The following SHANK2 variants were observed in gnomAD, a reference collection of about 807,000 sequenced individuals.
SHANK2 encodes SH3 and multiple ankyrin repeat domains 2.
SHANK2 carries 43 observed loss-of-function variants against 133.7 expected under a neutral mutation model. The ratio of observed to expected loss-of-function variants is 0.32; its 90% CI spans 0.25 to 0.41. The LOEUF (loss-of-function observed/expected upper bound fraction) is 0.41, where lower values mean the gene tolerates loss of function less well. Among genes scored for constraint, SHANK2 ranks in the 10% least tolerant of loss-of-function variants. SHANK2 has a pLI of 1.00. For missense variants in SHANK2, 1,994 were observed against 2,235.8 expected (o/e 0.89, Z 2.18); for synonymous variants, 1,017 against 952.8 (o/e 1.07, Z -1.24).
intron 3 of SHANK2, among the ~76,000 whole-genome samples, chr11:71,142,549 A>C (rs1952577386): frequency 6.6e-6 from 1 of 152,180 alleles, no homozygotes; most frequent in East Asian, 1.9e-4. Context: ...AAGCAGAAAA[A>C]TGCCAAGCAA....
chr11:70,496,734 C>A (rs1555157182), intron 21 of SHANK2, among the ~76,000 whole-genome samples: 2 of 152,104 alleles, frequency 1.3e-5, no homozygotes, highest in Non-Finnish European at 1.5e-5. Context: ...GTCCCCCAAG[C>A]CTTGTGCCTG....
chr11:70,797,089 G>A (rs181531732), intron 14 of SHANK2, among the ~76,000 whole-genome samples: 78 of 152,220 alleles, frequency 5.1e-4, no homozygotes, highest in African/African-American at 1.8e-3. Flanking sequence ...CCCAGCCCTC[G>A]GGAGCTGATA....
At chr11:70,536,313 C>T (rs774616835) in intron 17 of SHANK2, among the ~76,000 whole-genome samples, 24 of 152,202 alleles carry the variant, frequency 1.6e-4, no homozygotes, top group Non-Finnish European at 2.8e-4. Flanking sequence ...AGTTCAACTC[C>T]GTTGGACCAA....
At chr11:71,102,759 G>T (rs868947273) in intron 6 of SHANK2, among the ~76,000 whole-genome samples, 22 of 152,352 alleles carry the variant, frequency 1.4e-4, no homozygotes, top group Middle Eastern at 6.8e-3. Context: ...TTTCCCCCAG[G>T]AGTTGAGAGC....
chr11:70,481,803 C>T (rs997674624), intron 25 of SHANK2, among the ~76,000 whole-genome samples: 38 of 152,342 alleles, frequency 2.5e-4, no homozygotes, highest in African/African-American at 8.9e-4. Flanking sequence ...GGTGAGAGTT[C>T]TTAAGGCTCC....
At chr11:70,542,200 G>A (rs960075408) in intron 17 of SHANK2, among the ~76,000 whole-genome samples, 12 of 152,334 alleles carry the variant, frequency 7.9e-5, no homozygotes, top group African/African-American at 2.9e-4. Context: ...GACCTTATTT[G>A]GAAACAGCCT....
chr11:71,202,072 G>A (rs1954030551), intron 2 of SHANK2, among the ~76,000 whole-genome samples: 1 of 152,350 alleles, frequency 6.6e-6, no homozygotes, highest in Middle Eastern at 3.4e-3. Context: ...ATGGCTCACG[G>A]GTACACAGTA....
At chr11:71,204,002 T>G (rs1954076676) in intron 2 of SHANK2, among the ~76,000 whole-genome samples, 1 of 152,130 alleles carries the variant, frequency 6.6e-6, no homozygotes, top group Non-Finnish European at 1.5e-5. Flanking sequence ...CTTTTGCCTT[T>G]GCTGATTCCA....
At chr11:71,148,373 C>T (rs1270121993) in intron 2 of SHANK2, among the ~76,000 whole-genome samples, 6 of 152,310 alleles carry the variant, frequency 3.9e-5, no homozygotes, top group South Asian at 2.1e-4. Context: ...TGTGAGCCAC[C>T]GTGCCTGGCC....
chr11:70,758,285 A>G (rs1591818858), intron 14 of SHANK2, among the ~76,000 whole-genome samples: 2 of 152,032 alleles, frequency 1.3e-5, no homozygotes, highest in African/African-American at 4.8e-5. Flanking sequence ...AAATCTTGCA[A>G]CTGCACGCTC....
chr11:71,252,858 C>T (rs372297477), upstream of SHANK2, among the ~76,000 whole-genome samples: 6 of 152,332 alleles, frequency 3.9e-5, no homozygotes, highest in South Asian at 4.1e-4. The surrounding 1 kb of genome is among the most constrained non-coding windows in gnomAD (Gnocchi z 6.3). Context: ...GGACCTCCCC[C>T]TCCCTGGCCA....
At chr11:70,567,364 C>T (rs1554982071) in intron 17 of SHANK2, among the ~76,000 whole-genome samples, 1 of 152,068 alleles carries the variant, frequency 6.6e-6, no homozygotes, top group African/African-American at 2.4e-5. Context: ...CGTGGTGGCT[C>T]ATGCCTATAA....
chr11:70,596,971 T>C (rs1205898034), intron 17 of SHANK2, among the ~76,000 whole-genome samples: 1 of 152,106 alleles, frequency 6.6e-6, no homozygotes, highest in Non-Finnish European at 1.5e-5. Flanking sequence ...TCAGATCCTA[T>C]GAACAAAGCT....
At chr11:70,541,792 G>C (rs1274755646) in intron 17 of SHANK2, among the ~76,000 whole-genome samples, 1 of 152,230 alleles carries the variant, frequency 6.6e-6, no homozygotes, top group African/African-American at 2.4e-5. Flanking sequence ...ACAAAGCACA[G>C]GACAGTCCCC....
In SHANK2 at chr11:70,471,375, T is replaced by A. The variant is rs2058596338; in HGVS notation, c.*1494A>T. On this transcript the variant is annotated 3_prime_UTR_variant, in exon 26 of 26. Transcript: ENST00000601538. The surrounding 1 kb of genome is among the most constrained non-coding windows in gnomAD (Gnocchi z 4.1). ...CGAGTATCCTCCAAATGGGGGAGAA[T>A]GTGCTGGAAGCCTGACTGTGTGTTT... is the stretch of plus-strand genomic sequence containing the variant. 5 of 398,666 alleles carry A rather than the reference T, an allele frequency of 1.3e-5. No homozygotes were observed. The highest frequency in any genetic ancestry group is 1.8e-5 in the Non-Finnish European group (4 of 226,062). The allele number at this position is 398,666 out of a possible 1,614,324, so 24.7% of individuals were successfully genotyped here. A position where few individuals can be genotyped will look rare whatever the true frequency, so the allele number is the denominator to read the frequency against.
chr11:70,585,400 G>T (rs2060235742), intron 17 of SHANK2, among the ~76,000 whole-genome samples: 2 of 152,194 alleles, frequency 1.3e-5, no homozygotes, highest in South Asian at 2.1e-4. Flanking sequence ...GAAGCAGCCA[G>T]TCGGTAAAGC....
At chr11:71,235,929 A>G (rs565666506) in intron 1 of SHANK2, among the ~76,000 whole-genome samples, 3 of 152,212 alleles carry the variant, frequency 2.0e-5, no homozygotes, top group African/African-American at 7.2e-5. Flanking sequence ...CTGTGCCAGA[A>G]GCAATGTGAC....
chr11:71,196,514 G>C (rs797025333), intron 2 of SHANK2, among the ~76,000 whole-genome samples: 135 of 151,992 alleles, frequency 8.9e-4, no homozygotes, highest in African/African-American at 2.8e-3. Context: ...TCAAATTCTG[G>C]GCCTCATGAT....
intron 17 of SHANK2, among the ~76,000 whole-genome samples, chr11:70,565,371 G>A (rs1422574748): frequency 3.9e-5 from 6 of 152,088 alleles, no homozygotes; most frequent in South Asian, 2.1e-4. Flanking sequence ...TCAGCCTCCC[G>A]AATAGCTGGG....
Sources: gnomAD v4.1 joint callset for allele counts (sites outside exome capture counted in the v4.1 genomes callset) on GRCh38, gnomAD v4.1.1 for gene constraint, Gnocchi (gnomAD v3.1) non-coding constraint, MANE v1.5 for transcripts, NCBI Gene and HGNC (gene_info 2026-07-23, HGNC 2026-07-21) for gene names.